The following DAPK1 variants were observed in gnomAD, a reference collection of about 807,000 sequenced individuals.
DAPK1 encodes death-associated protein kinase 1.
A neutral mutation model predicts 144.9 loss-of-function variants in DAPK1; 56 were observed. The observed-to-expected ratio is 0.39, with a 90% CI of 0.31 to 0.48. The LOEUF (loss-of-function observed/expected upper bound fraction) is 0.48. Ranked by LOEUF, DAPK1 falls within the 20% of genes least tolerant of loss-of-function variation. DAPK1 has a pLI of 0.95. For synonymous variants in DAPK1, 690 were observed against 749.0 expected (o/e 0.92, Z 1.29); for missense variants, 1,454 against 1,875.4 (o/e 0.78, Z 4.15).
At chr9:87,576,188 GCGTACACACGTA>G (rs1229861527) in intron 2 of DAPK1, among the ~76,000 whole-genome samples, 3 of 152,170 alleles carry the variant, frequency 2.0e-5, no homozygotes, top group Non-Finnish European at 4.4e-5. Context: ...GCACACACAT[GCGTACACACGTA>G]CACACACACG....
intron 25 of DAPK1, 115 bp downstream of exon 25, chr9:87,703,332 C>T (rs923510570): frequency 3.2e-6 from 2 of 626,674 alleles, no homozygotes; most frequent in East Asian, 5.5e-5. Context: ...GGAAATGGTC[C>T]AGCTAACCTA....
At chr9:87,657,658 G>A (rs1830675121) in intron 17 of DAPK1, 3 of 274,754 alleles carry the variant, frequency 1.1e-5, no homozygotes, top group Admixed American at 1.0e-4. Context: ...TCACTAATTA[G>A]GATGTCTTCA....
At chr9:87,603,438 C>T (rs1048285641) in intron 2 of DAPK1, among the ~76,000 whole-genome samples, 4 of 152,282 alleles carry the variant, frequency 2.6e-5, no homozygotes, top group East Asian at 3.9e-4. Flanking sequence ...AGGGACAAAG[C>T]GGGTATTAAC....
intron 3 of DAPK1, among the ~76,000 whole-genome samples, chr9:87,607,109 G>C (rs1040325334): frequency 2.6e-5 from 4 of 151,772 alleles, no homozygotes; most frequent in African/African-American, 9.7e-5. Context: ...AGAGCTTTAA[G>C]GGGCCAGGAG....
intron 3 of DAPK1, chr9:87,632,594 G>A (rs1314018533): frequency 1.5e-5 from 15 of 976,696 alleles, no homozygotes; most frequent in Non-Finnish European, 1.7e-5. Context: ...GAAGGAGGAT[G>A]AGTATGTATA....
intron 2 of DAPK1, among the ~76,000 whole-genome samples, chr9:87,503,774 A>G (rs1158826405): frequency 1.3e-5 from 2 of 152,234 alleles, no homozygotes; most frequent in Non-Finnish European, 1.5e-5. Context: ...TTGTTTTTGC[A>G]TTCTTTGTGG....
At chr9:87,668,963 G>A in intron 19 of DAPK1, 1 of 305,548 alleles carries the variant, frequency 3.3e-6, no homozygotes, top group Non-Finnish European at 6.1e-6. Flanking sequence ...AAGTAGCGGG[G>A]GATGAGGACG....
intron 24 of DAPK1, 23 bp downstream of exon 24, chr9:87,700,260 C>T: frequency 6.2e-7 from 1 of 1,602,940 alleles, no homozygotes; most frequent in South Asian, 1.1e-5. Context: ...TGGAAAGAGC[C>T]TGGACCCCTT....
intron 2 of DAPK1, among the ~76,000 whole-genome samples, chr9:87,531,564 T>G (rs1043846668): frequency 2.0e-5 from 3 of 152,120 alleles, no homozygotes; most frequent in Admixed American, 2.0e-4. Context: ...TGCTGCAATA[T>G]TGACCTGAGG....
intron 2 of DAPK1, among the ~76,000 whole-genome samples, chr9:87,532,020 T>C (rs1051287920): frequency 5.9e-5 from 9 of 152,204 alleles, no homozygotes; most frequent in African/African-American, 1.9e-4. Flanking sequence ...CAGGCCTTAG[T>C]GCTAAGCTAG....
intron 2 of DAPK1, among the ~76,000 whole-genome samples, chr9:87,574,770 A>G (rs1827480932): frequency 6.6e-6 from 1 of 152,098 alleles, no homozygotes; most frequent in Non-Finnish European, 1.5e-5. Context: ...AATACACAAA[A>G]AATTAGCCGG....
intron 2 of DAPK1, among the ~76,000 whole-genome samples, chr9:87,531,773 AAAGG>A (rs1427201188): frequency 6.6e-6 from 1 of 152,234 alleles, no homozygotes; most frequent in Non-Finnish European, 1.5e-5. Context: ...CTGTGAACAT[AAAGG>A]AATGTCCACA....
At chr9:87,567,522 C>A (rs1473395197) in intron 2 of DAPK1, among the ~76,000 whole-genome samples, 1 of 152,030 alleles carries the variant, frequency 6.6e-6, no homozygotes, top group Non-Finnish European at 1.5e-5. Context: ...ACCCCGCTCA[C>A]AATTGGAGTT....
chr9:87,557,364 C>T (rs6560004), intron 2 of DAPK1, among the ~76,000 whole-genome samples: 66,677 of 152,074 alleles, frequency 0.44, 17,319 homozygotes, highest in African/African-American at 0.72. Context: ...CTACGTTTCA[C>T]CCACTGCCTT....
chr9:87,566,317 G>A (rs535525347), intron 2 of DAPK1, among the ~76,000 whole-genome samples: 2 of 152,176 alleles, frequency 1.3e-5, no homozygotes, highest in South Asian at 2.1e-4. Context: ...CACTGTACCC[G>A]GCCCTCAGCA....
chr9:87,681,155 G>A (rs1316490301), intron 19 of DAPK1, among the ~76,000 whole-genome samples: 5 of 152,022 alleles, frequency 3.3e-5, no homozygotes, highest in Admixed American at 3.3e-4. Context: ...GCTCATGCCT[G>A]TAATCCCAGC....
chr9:87,555,503 G>GT (rs1320671922), intron 2 of DAPK1, among the ~76,000 whole-genome samples: 1 of 149,728 alleles, frequency 6.7e-6, no homozygotes, highest in Non-Finnish European at 1.5e-5. Context: ...ATTTTATTTA[G>GT]TTATTTTTTT....
intron 2 of DAPK1, among the ~76,000 whole-genome samples, chr9:87,595,206 C>G (rs1272128050): frequency 1.3e-5 from 2 of 152,206 alleles, no homozygotes; most frequent in African/African-American, 4.8e-5. Context: ...TGGTTAACAG[C>G]AACCCCAAAC....
intron 2 of DAPK1, chr9:87,554,543 C>T (rs1244433278): frequency 2.6e-5 from 4 of 152,194 alleles, no homozygotes; most frequent in Non-Finnish European, 5.9e-5. Context: ...CTGTCTTTGA[C>T]TCAAGCCAGA....
Sources: allele counts gnomAD v4.1 joint callset (sites outside exome capture counted in the v4.1 genomes callset), GRCh38; gene constraint gnomAD v4.1.1; transcripts MANE v1.5; gene names NCBI Gene and HGNC (gene_info 2026-07-23, HGNC 2026-07-21).